FAM193A: variants seen among roughly 807,000 people sequenced by gnomAD.
FAM193A encodes protein FAM193A.
A neutral mutation model predicts 126.5 loss-of-function variants in FAM193A; 22 were observed. That is an observed-to-expected ratio of 0.17 (90% CI 0.12 to 0.25). The LOEUF is 0.25. Among genes scored for constraint, FAM193A ranks in the 10% least tolerant of loss-of-function variants. FAM193A has a pLI of 1.00. For synonymous variants in FAM193A, 761 were observed against 646.8 expected (o/e 1.18, Z -2.68); for missense variants, 1,675 against 1,672.8 (o/e 1.00, Z -0.02).
chr4:2,725,266 AG>A (rs1720599836), intron 20 of FAM193A, among the ~76,000 whole-genome samples: 1 of 151,988 alleles, frequency 6.6e-6, no homozygotes, highest in East Asian at 1.9e-4. Context: ...TGGGCAACAC[AG>A]CAAGACGTCA....
Position 2,696,578 on chromosome 4 carries a change from G to A in FAM193A, c.3492G>A (p.Arg1164=), listed in dbSNP as rs758564576. The change falls in exon 18 of 21, where the codon AGG becomes AGA. Residue 1164 remains arginine (R), a synonymous_variant. Transcript: ENST00000637812. ...VSSTRAAKRA[R]HKQRKLEEKA... ...GCACGCGTGCAGCGAAGCGAGCAAG[G>A]CATAAGCAAAGGAAGGCAAGTGACA... 6.8e-6 allele frequency: 11 copies of A among 1,613,958 alleles called. No homozygotes were observed. The highest frequency in any genetic ancestry group is 2.2e-5 in the South Asian group (2 of 91,074).
intron 1 of FAM193A, among the ~76,000 whole-genome samples, chr4:2,574,063 G>T (rs112386409): frequency 2.6e-5 from 4 of 152,150 alleles, no homozygotes; most frequent in Non-Finnish European, 4.4e-5. Flanking sequence ...TGAGGGGATT[G>T]TGGGAGGGTT....
At chr4:2,665,465 T>C (rs969854884) in intron 12 of FAM193A, among the ~76,000 whole-genome samples, 1 of 152,170 alleles carries the variant, frequency 6.6e-6, no homozygotes, top group African/African-American at 2.4e-5. Flanking sequence ...ATGCAATGCT[T>C]TTAATCTTCC....
intron 20 of FAM193A, among the ~76,000 whole-genome samples, chr4:2,726,659 A>G (rs1382471909): frequency 6.6e-6 from 1 of 151,436 alleles, no homozygotes; most frequent in African/African-American, 2.4e-5. Flanking sequence ...GGCCAGGTAC[A>G]GTGGCTCATG....
At chr4:2,627,900 G>A (rs1427948686) in intron 4 of FAM193A, among the ~76,000 whole-genome samples, 2 of 151,944 alleles carry the variant, frequency 1.3e-5, no homozygotes, top group East Asian at 1.9e-4. Context: ...CCACTACCAC[G>A]CCCAGCTAAT....
chr4:2,700,654 C>A, intron 19 of FAM193A, 110 bp downstream of exon 19: 1 of 1,365,674 alleles, frequency 7.3e-7, no homozygotes, highest in Non-Finnish European at 1.0e-6. Flanking sequence ...ATGTGGCCTC[C>A]CTCCTGTAGA....
chr4:2,627,218 T>C (rs1743059870), intron 4 of FAM193A, among the ~76,000 whole-genome samples: 1 of 145,466 alleles, frequency 6.9e-6, no homozygotes, highest in Admixed American at 7.5e-5. Context: ...TGTAGTCCAA[T>C]GGCGTGATCT....
chr4:2,641,944 GAAAAA>G (rs200479200), intron 6 of FAM193A, among the ~76,000 whole-genome samples: 3 of 146,124 alleles, frequency 2.1e-5, no homozygotes, highest in Admixed American at 2.1e-4. Flanking sequence ...TCTTAAAAAA[GAAAAA>G]AAAAGGGCCA....
chr4:2,634,915 G>A lies in FAM193A; in HGVS notation c.1038+3746G>A, dbSNP rs183013398. On this transcript the variant is annotated intron_variant, in intron 5 of 20. Coordinates refer to ENST00000637812, the MANE Select transcript of FAM193A (RefSeq NM_001366318.2). ...ATCTATGTACTCCTTACCCAGATGCGCAGTTAATCAGCATTTTGCCACTCT... is the reference window on the plus strand; with the variant it reads ...ATCTATGTACTCCTTACCCAGATGCACAGTTAATCAGCATTTTGCCACTCT... Among the ~76,000 whole-genome samples, 6 of 152,276 alleles carry A rather than the reference G, an allele frequency of 3.9e-5. No homozygotes were observed. The East Asian group carries it at 5.8e-4, about 15-fold the overall frequency.
intron 13 of FAM193A, among the ~76,000 whole-genome samples, chr4:2,676,298 T>C (rs1365310660): frequency 6.6e-6 from 1 of 152,248 alleles, no homozygotes; most frequent in Admixed American, 6.5e-5. Flanking sequence ...TTTTCTGTTT[T>C]GCTTTTTTAA....
At chr4:2,721,615 G>C (rs1168946492) in intron 20 of FAM193A, among the ~76,000 whole-genome samples, 1 of 152,252 alleles carries the variant, frequency 6.6e-6, no homozygotes, top group East Asian at 1.9e-4. Context: ...GCTGCTTCAT[G>C]GGTTTGCAGC....
chr4:2,621,439 G>A (rs1002628149), intron 2 of FAM193A, among the ~76,000 whole-genome samples: 3 of 152,176 alleles, frequency 2.0e-5, no homozygotes, highest in African/African-American at 7.2e-5. Flanking sequence ...CTAAGGGTAC[G>A]AGGCAAAGGG....
chr4:2,629,399 T>A (rs1743325874), intron 4 of FAM193A, among the ~76,000 whole-genome samples: 1 of 152,214 alleles, frequency 6.6e-6, no homozygotes, highest in South Asian at 2.1e-4. Flanking sequence ...ATGACAGTTG[T>A]CATGCTCAAA....
At chr4:2,574,973 C>A (rs1739501952) in intron 1 of FAM193A, among the ~76,000 whole-genome samples, 1 of 152,152 alleles carries the variant, frequency 6.6e-6, no homozygotes, top group Non-Finnish European at 1.5e-5. Context: ...TGCCATCCCT[C>A]CCCTCTGTTG....
At position 2,690,793 on chromosome 4, in the gene FAM193A, G is replaced by A; in HGVS notation, c.2626G>A (p.Glu876Lys). The change falls in exon 15 of 21, where the codon GAG (glutamate) becomes AAG (lysine). Residue 876 changes from glutamate to lysine, a missense_variant. Coordinates refer to ENST00000637812, the MANE Select transcript of FAM193A (RefSeq NM_001366318.2). ...NETPAVSDSK[E>K]KKNAAKKKCL... The stretch of plus-strand genomic sequence containing the variant: ...AACACCTGCAGTCTCGGATAGTAAA[G>A]AGAAAAAGAATGCTGCAAAAAAGAA... The A allele has an allele frequency of 3.1e-6, 5 of 1,614,104 alleles. No individual in the cohort carries two copies. Among genetic ancestry groups the A allele is most frequent in the Non-Finnish European group, 4.2e-6 (5 of 1,180,002 alleles).
chr4:2,546,513 C>G (rs1422583857), intron 1 of FAM193A, among the ~76,000 whole-genome samples: 2 of 152,072 alleles, frequency 1.3e-5, no homozygotes. Flanking sequence ...CTCATACAGT[C>G]CATTTATGAC....
chr4:2,653,396 CA>C (rs1357561935), intron 7 of FAM193A, among the ~76,000 whole-genome samples: 2 of 152,080 alleles, frequency 1.3e-5, no homozygotes, highest in African/African-American at 4.8e-5. Flanking sequence ...ATTGCTTTTA[CA>C]AAGAGAAAAC....
At chr4:2,720,258 C>T (rs1719983035) in intron 20 of FAM193A, among the ~76,000 whole-genome samples, 1 of 152,046 alleles carries the variant, frequency 6.6e-6, no homozygotes, top group Non-Finnish European at 1.5e-5. Flanking sequence ...AACTAAAAAT[C>T]AATTTTACAG....
Position 2,694,938 on chromosome 4 carries a change from T to C in FAM193A, c.3093-8T>C. 1 of 1,585,598 alleles carries C rather than the reference T, an allele frequency of 6.3e-7. No individual in the cohort carries two copies. Among genetic ancestry groups the C allele is most frequent in the Admixed American group, 1.9e-5 (1 of 53,878 alleles). On this transcript the variant is annotated splice_region_variant and splice_polypyrimidine_tract_variant and intron_variant, in intron 16 of 20. Coordinates refer to ENST00000637812, the MANE Select transcript of FAM193A (RefSeq NM_001366318.2). ...CACTTGCTGATGAGCTTGTATGCGG[T>C]TTTGCAGTGACCCTGACTGCGAAGG...
Sources: allele counts gnomAD v4.1 joint callset (sites outside exome capture counted in the v4.1 genomes callset), GRCh38; gene constraint gnomAD v4.1.1; transcripts MANE v1.5; gene names NCBI Gene and HGNC (gene_info 2026-07-23, HGNC 2026-07-21).